TMEM181: variants seen among roughly 807,000 people sequenced by gnomAD.
The protein encoded by TMEM181 is transmembrane protein 181.
A neutral mutation model predicts 71.9 loss-of-function variants in TMEM181; 39 were observed. The ratio of observed to expected loss-of-function variants is 0.54; its 90% CI spans 0.42 to 0.71. The LOEUF (loss-of-function observed/expected upper bound fraction) is 0.71, where lower values mean the gene tolerates loss of function less well. TMEM181 is among the 30% of genes least tolerant of loss of function. TMEM181 has a pLI of 0.00. For missense variants in TMEM181, 595 were observed against 583.0 expected, an observed-to-expected ratio of 1.02 and a Z score of -0.21; for synonymous variants, 245 against 228.8, an observed-to-expected ratio of 1.07 and a Z score of -0.64.
intron 15 of TMEM181, among the ~76,000 whole-genome samples, chr6:158,630,876 C>T (rs9457418): frequency 0.33 from 50,010 of 151,612 alleles, 9,523 homozygotes; most frequent in African/African-American, 0.53. Context: ...AGCACCTTCA[C>T]AAACGGCGTC....
chr6:158,629,689 G>C (rs377347396), intron 14 of TMEM181, 41 bp from the exon 15 acceptor site: 14 of 1,512,872 alleles, frequency 9.3e-6, no homozygotes, highest in Non-Finnish European at 1.2e-5. Flanking sequence ...GCCTCTGACT[G>C]ATGTGTCCAG....
intron 10 of TMEM181, among the ~76,000 whole-genome samples, chr6:158,615,274 C>T (rs1583038927): frequency 6.6e-6 from 1 of 152,344 alleles, no homozygotes; most frequent in Admixed American, 6.5e-5. Flanking sequence ...CTTTTGGCTG[C>T]AGAAATGCCT....
chr6:158,559,385 C>T (rs1562619230), upstream of TMEM181, among the ~76,000 whole-genome samples: 1 of 152,196 alleles, frequency 6.6e-6, no homozygotes, highest in East Asian at 1.9e-4. Context: ...GCAAAGGAAG[C>T]TTGGAAGTCC....
chr6:158,585,673 T>C (rs1169358019), intron 5 of TMEM181, among the ~76,000 whole-genome samples: 2 of 152,226 alleles, frequency 1.3e-5, no homozygotes, highest in Non-Finnish European at 2.9e-5. Context: ...TACGCACATA[T>C]GCATGCACAC....
At chr6:158,611,676 G>GC (rs1470002240) in intron 10 of TMEM181, 1 of 282,314 alleles carries the variant, frequency 3.5e-6, no homozygotes, top group East Asian at 1.0e-4. Flanking sequence ...TTTGGTGGCG[G>GC]CCCCGCCCAC....
chr6:158,587,124 G>T (rs897173416), intron 5 of TMEM181, among the ~76,000 whole-genome samples: 1 of 152,230 alleles, frequency 6.6e-6, no homozygotes, highest in Admixed American at 6.5e-5. Context: ...GAGACCCATC[G>T]TCCTGGTTTG....
At chr6:158,583,156 C>T (rs1057108412) in intron 3 of TMEM181, among the ~76,000 whole-genome samples, 2 of 152,072 alleles carry the variant, frequency 1.3e-5, no homozygotes, top group African/African-American at 4.8e-5. Flanking sequence ...TCACTTGAAC[C>T]TGGGAGGCAG....
intron 1 of TMEM181, 94 bp from the exon 2 acceptor site, chr6:158,573,326 G>C: frequency 1.2e-6 from 1 of 846,022 alleles, no homozygotes. Flanking sequence ...GAGGTGGGCA[G>C]TGTCGTGTGG....
chr6:158,583,932 T>A, intron 3 of TMEM181, 22 bp from the exon 4 acceptor site: 1 of 1,572,188 alleles, frequency 6.4e-7, no homozygotes, highest in South Asian at 1.2e-5. Flanking sequence ...TCACATGGAT[T>A]ACTTTGTTTT....
At chr6:158,551,281 T>C (rs1033074649) in intron 1 of TMEM181, among the ~76,000 whole-genome samples, 1 of 152,160 alleles carries the variant, frequency 6.6e-6, no homozygotes, top group African/African-American at 2.4e-5. Context: ...TTTTATGCAA[T>C]TAATTTTTGT....
chr6:158,579,673 C>G (rs1157195314), intron 2 of TMEM181, among the ~76,000 whole-genome samples: 10 of 151,958 alleles, frequency 6.6e-5, no homozygotes, highest in Non-Finnish European at 1.5e-4. Context: ...GAGCCGAGAT[C>G]CTGCCATTGC....
chr6:158,606,255 CAG>C (rs139739444), intron 7 of TMEM181, among the ~76,000 whole-genome samples: 1 of 143,750 alleles, frequency 7.0e-6, no homozygotes, highest in Non-Finnish European at 1.5e-5. Context: ...GCTAGAGCCA[CAG>C]GGAGCTGGAG....
chr6:158,558,535 C>T (rs1781988929), upstream of TMEM181, among the ~76,000 whole-genome samples: 1 of 152,212 alleles, frequency 6.6e-6, no homozygotes, highest in Admixed American at 6.5e-5. Context: ...GCAGAGACAG[C>T]TTAACTGGTT....
intron 15 of TMEM181, among the ~76,000 whole-genome samples, chr6:158,630,730 CA>C (rs1786612412): frequency 1.4e-5 from 2 of 148,050 alleles, no homozygotes; most frequent in Non-Finnish European, 3.0e-5. Flanking sequence ...AAAAAAAAGC[CA>C]AAACATACAA....
At chr6:158,622,506 C>T (rs1007019673) in intron 10 of TMEM181, among the ~76,000 whole-genome samples, 4 of 152,146 alleles carry the variant, frequency 2.6e-5, no homozygotes, top group Admixed American at 2.6e-4. Context: ...CCGGGGTACA[C>T]AGGACAAAGG....
chr6:158,538,907 A>C (rs1322551861), intron 1 of TMEM181, among the ~76,000 whole-genome samples: 2 of 152,248 alleles, frequency 1.3e-5, no homozygotes, highest in Non-Finnish European at 2.9e-5. Flanking sequence ...TTCAAGGCAC[A>C]GATGGAAGAC....
At chr6:158,542,174 A>T (rs1167751469) in intron 1 of TMEM181, among the ~76,000 whole-genome samples, 2 of 152,016 alleles carry the variant, frequency 1.3e-5, no homozygotes, top group African/African-American at 4.8e-5. Flanking sequence ...CCCAAATTGC[A>T]GGGATTACAA....
intron 1 of TMEM181, among the ~76,000 whole-genome samples, chr6:158,548,766 C>T (rs965974693): frequency 1.3e-5 from 2 of 152,120 alleles, no homozygotes; most frequent in Non-Finnish European, 2.9e-5. Flanking sequence ...AAGAGGAGGA[C>T]GAATAAAGGC....
At chr6:158,625,877 T>G (rs1245155635) in intron 13 of TMEM181, 123 bp downstream of exon 13, 2 of 841,870 alleles carry the variant, frequency 2.4e-6, no homozygotes, top group African/African-American at 3.5e-5. Context: ...ACTCATGAGG[T>G]TAGAGGGCCT....
Sources: allele counts gnomAD v4.1 joint callset (sites outside exome capture counted in the v4.1 genomes callset), GRCh38; gene constraint gnomAD v4.1.1; transcripts MANE v1.5; gene names NCBI Gene and HGNC (gene_info 2026-07-23, HGNC 2026-07-21).